FGGY: variants seen among roughly 807,000 people sequenced by gnomAD.
FGGY encodes FGGY carbohydrate kinase domain containing, also known as FGGY carbohydrate kinase domain-containing protein.
In FGGY, 72 loss-of-function variants were observed where a neutral mutation model predicts 71.3. That is an observed-to-expected ratio of 1.01 (90% CI 0.84 to 1.23). FGGY has a LOEUF of 1.23. Ranked by LOEUF, FGGY falls within the 50% of genes most tolerant of loss-of-function variation. FGGY has a pLI of 0.00. For synonymous variants in FGGY, 251 were observed against 250.3 expected (o/e 1.00, Z -0.02); for missense variants, 668 against 682.3 (o/e 0.98, Z 0.23).
At chr1:59,727,244 A>G (rs963114221) in intron 14 of FGGY, among the ~76,000 whole-genome samples, 6 of 152,208 alleles carry the variant, frequency 3.9e-5, no homozygotes, top group South Asian at 2.1e-4. Context: ...ATGGCTGCAT[A>G]GTAATCTGTG....
chr1:59,483,040 A>G (rs893813727), intron 6 of FGGY, among the ~76,000 whole-genome samples: 1 of 152,120 alleles, frequency 6.6e-6, no homozygotes, highest in African/African-American at 2.4e-5. Context: ...GGTGTTTCCA[A>G]TAAGTTCCCA....
chr1:59,602,158 A>G (rs931829362), intron 8 of FGGY, among the ~76,000 whole-genome samples: 1 of 152,246 alleles, frequency 6.6e-6, no homozygotes, highest in Non-Finnish European at 1.5e-5. Context: ...TTGATTTTAT[A>G]GCTAAGGAGA....
At chr1:59,695,456 A>G (rs1036236425) in intron 14 of FGGY, among the ~76,000 whole-genome samples, 3 of 152,236 alleles carry the variant, frequency 2.0e-5, no homozygotes, top group Admixed American at 1.3e-4. Context: ...CCTCATGACA[A>G]CCTTTCTTGG....
At chr1:59,646,394 G>T (rs2097094468) in intron 11 of FGGY, among the ~76,000 whole-genome samples, 1 of 150,570 alleles carries the variant, frequency 6.6e-6, no homozygotes, top group African/African-American at 2.4e-5. Flanking sequence ...TCTTTACCTG[G>T]TTTTCTGATT....
chr1:59,340,144 G>A, intron 3 of FGGY, 75 bp downstream of exon 3: 1 of 947,066 alleles, frequency 1.1e-6, no homozygotes, highest in South Asian at 1.5e-5. Context: ...GGTGGAACAG[G>A]AGGGCAGGCG....
Position 59,762,687 on chromosome 1 carries a change from C to G in FGGY, c.*103C>G, listed in dbSNP as rs1443303503. ...CCCTTGAGGTATTGTTTCATCATTTCTGTATTGTCTTTCAATAAAGAAAAC... is the reference window on the plus strand; with the variant it reads ...CCCTTGAGGTATTGTTTCATCATTTGTGTATTGTCTTTCAATAAAGAAAAC... On this transcript the variant is annotated 3_prime_UTR_variant, in exon 16 of 16. Coordinates refer to ENST00000303721, the MANE Select transcript of FGGY (RefSeq NM_018291.5). 13 of 806,046 alleles carry G rather than the reference C, an allele frequency of 1.6e-5. No individual in the cohort carries two copies. The Admixed American group carries it at 3.5e-4, about 22-fold the overall frequency. 49.9% of individuals were successfully genotyped at this position (806,046 alleles called of 1,614,324 possible).
chr1:59,490,713 A>C (rs2153583835), intron 6 of FGGY, among the ~76,000 whole-genome samples: 1 of 152,104 alleles, frequency 6.6e-6, no homozygotes, highest in East Asian at 1.9e-4. Flanking sequence ...AAGAGTTGGG[A>C]GTCTAACTTC....
In FGGY at chr1:59,762,694, GTCTTT is replaced by G; in HGVS notation, c.*111_*115del. ...GGTATTGTTTCATCATTTCTGTATTGTCTTTCAATAAAGAAAACAAACATGTGCAA... is the reference window on the plus strand; with the variant it reads ...GGTATTGTTTCATCATTTCTGTATTGCAATAAAGAAAACAAACATGTGCAA... On this transcript the variant is annotated 3_prime_UTR_variant, in exon 16 of 16. Coordinates refer to ENST00000303721, the MANE Select transcript of FGGY (RefSeq NM_018291.5). The G allele has an allele frequency of 3.9e-6, 3 of 768,610 alleles. No homozygotes were observed. The highest frequency in any genetic ancestry group is 6.4e-6 in the Non-Finnish European group (3 of 468,926). 47.6% of individuals were successfully genotyped at this position (768,610 alleles called of 1,614,324 possible). A position where few individuals can be genotyped will look rare whatever the true frequency, so the allele number is the denominator to read the frequency against.
At chr1:59,615,259 G>T (rs1229681396) in intron 9 of FGGY, among the ~76,000 whole-genome samples, 2 of 152,124 alleles carry the variant, frequency 1.3e-5, no homozygotes, top group Non-Finnish European at 1.5e-5. Flanking sequence ...ATACTACAAG[G>T]CTACAGCAAC....
At chr1:59,759,536 C>G (rs1392416144) in intron 15 of FGGY, among the ~76,000 whole-genome samples, 1 of 152,210 alleles carries the variant, frequency 6.6e-6, no homozygotes, top group East Asian at 1.9e-4. Flanking sequence ...TAAGTTTTTT[C>G]CGTAAACCCC....
At chr1:59,509,461 C>G (rs534918678) in intron 6 of FGGY, among the ~76,000 whole-genome samples, 47 of 152,254 alleles carry the variant, frequency 3.1e-4, no homozygotes, top group African/African-American at 1.0e-3. Context: ...CAGTGGGCTT[C>G]ATGATTAAGT....
At position 59,729,642 on chromosome 1, in the gene FGGY, T is replaced by A. The variant is rs183223397; in HGVS notation, c.1513-28289T>A. ...ATCTCCTCCTTAGATAGAGTCTATG[T>A]CTTGCTGCTCTTTGAGCTGTAATTC... On this transcript the variant is annotated intron_variant, in intron 14 of 15. Transcript: ENST00000303721. Among the ~76,000 whole-genome samples the A allele has an allele frequency of 5.3e-5, 8 of 152,352 alleles. No individual in the cohort carries two copies. The East Asian group carries it at 1.5e-3, about 29-fold the overall frequency.
intron 14 of FGGY, among the ~76,000 whole-genome samples, chr1:59,748,638 T>A (rs770330804): frequency 5.3e-5 from 8 of 152,160 alleles, no homozygotes; most frequent in Non-Finnish European, 1.0e-4. Context: ...ACATTTGAGT[T>A]TTATTCAAAA....
intron 6 of FGGY, among the ~76,000 whole-genome samples, chr1:59,458,971 G>T (rs1201354016): frequency 6.6e-6 from 1 of 152,178 alleles, no homozygotes; most frequent in Admixed American, 6.5e-5. Flanking sequence ...CCTATGAAGT[G>T]TTAAACATTT....
chr1:59,485,331 T>C (rs539020859), intron 6 of FGGY, among the ~76,000 whole-genome samples: 1 of 152,310 alleles, frequency 6.6e-6, no homozygotes, highest in South Asian at 2.1e-4. Flanking sequence ...GCCAATGAGG[T>C]ATAAGCAGAT....
intron 7 of FGGY, among the ~76,000 whole-genome samples, chr1:59,546,695 G>A (rs914305967): frequency 1.1e-4 from 17 of 151,578 alleles, no homozygotes; most frequent in Admixed American, 6.6e-5. Context: ...TATAGGTGCC[G>A]CCACCACGCC....
chr1:59,706,304 TTTAC>T (rs2097757345), intron 14 of FGGY, among the ~76,000 whole-genome samples: 2 of 152,182 alleles, frequency 1.3e-5, no homozygotes, highest in Non-Finnish European at 2.9e-5. Context: ...TCTGCCACTC[TTTAC>T]TTGTGAGGCC....
intron 6 of FGGY, among the ~76,000 whole-genome samples, chr1:59,465,906 A>G (rs368247212): frequency 3.3e-5 from 5 of 152,230 alleles, no homozygotes; most frequent in Non-Finnish European, 5.9e-5. Context: ...GGAAGAATCA[A>G]TATCATGAAA....
chr1:59,569,000 A>G (rs1229807216), intron 8 of FGGY, among the ~76,000 whole-genome samples: 1 of 152,238 alleles, frequency 6.6e-6, no homozygotes, highest in Non-Finnish European at 1.5e-5. Context: ...CAGAAAAAAA[A>G]AGGCTGCTCA....
Sources: gnomAD v4.1 joint callset for allele counts (sites outside exome capture counted in the v4.1 genomes callset) on GRCh38, gnomAD v4.1.1 for gene constraint, MANE v1.5 for transcripts, NCBI Gene and HGNC (gene_info 2026-07-23, HGNC 2026-07-21) for gene names.